The following CDKL4 variants were observed in gnomAD, a reference collection of about 807,000 sequenced individuals.
CDKL4 encodes cyclin-dependent kinase-like 4.
CDKL4 carries 44 observed loss-of-function variants against 42.0 expected under a neutral mutation model. The ratio of observed to expected loss-of-function variants is 1.05; its 90% confidence interval spans 0.82 to 1.35. CDKL4 has a LOEUF of 1.35. CDKL4 is among the 40% of genes most tolerant of loss of function. CDKL4 has a pLI of 0.00. For missense variants in CDKL4, 393 were observed against 369.9 expected (o/e 1.06, Z -0.51); for synonymous variants, 120 against 121.6 (o/e 0.99, Z 0.09).
At chr2:39,226,466 T>TTATATATATA (rs1573017180) in intron 2 of CDKL4, among the ~76,000 whole-genome samples, 1 of 97,418 alleles carries the variant, frequency 1.0e-5, no homozygotes, top group East Asian at 2.6e-4. Context: ...TTATATATAT[T>TTATATATATA]ATATATATAT....
chr2:39,178,959 G>T, intron 9 of CDKL4: 1 of 1,441,394 alleles, frequency 6.9e-7, no homozygotes, highest in South Asian at 1.5e-5. Context: ...GTTGCGTAAC[G>T]ATTTGATTCA....
chr2:39,172,074 G>A (rs1675014378), downstream of CDKL4, among the ~76,000 whole-genome samples: 1 of 152,130 alleles, frequency 6.6e-6, no homozygotes, highest in African/African-American at 2.4e-5. Context: ...ACTTTGGGAG[G>A]CCGAGGCAGG....
At chr2:39,234,474 G>A (rs901329330) in intron 1 of CDKL4, among the ~76,000 whole-genome samples, 4 of 151,978 alleles carry the variant, frequency 2.6e-5, no homozygotes, top group Non-Finnish European at 5.9e-5. Context: ...AATGGAGACA[G>A]GAAAAGAAGT....
At chr2:39,219,123 C>T (rs569152008) in intron 3 of CDKL4, among the ~76,000 whole-genome samples, 1 of 152,298 alleles carries the variant, frequency 6.6e-6, no homozygotes, top group South Asian at 2.1e-4. Flanking sequence ...GGACCTGGTA[C>T]CTAATAGGAG....
Position 39,226,048 on chromosome 2 carries a change from G to T in CDKL4, c.169-88C>A. ...CCCTTAAAGAAACTTAAAGTTGGAA[G>T]AAATTTAAGATTCATCCAATGTACC... On this transcript the variant is annotated intron_variant, in intron 2 of 9. Coordinates refer to ENST00000451199, the Ensembl canonical transcript of CDKL4. 2.3e-6 allele frequency: 3 copies of T among 1,312,366 alleles called. No homozygotes were observed. In the South Asian group the frequency reaches 5.3e-5, roughly 23 times the overall value. The allele number at this position is 1,312,366 out of a possible 1,614,324, so 81.3% of individuals were successfully genotyped here.
intron 1 of CDKL4, among the ~76,000 whole-genome samples, chr2:39,242,334 C>T (rs937647570): frequency 6.6e-6 from 1 of 152,194 alleles, no homozygotes; most frequent in Non-Finnish European, 1.5e-5. Flanking sequence ...GCATGAGCCA[C>T]CCATGCCTGG....
intron 5 of CDKL4, among the ~76,000 whole-genome samples, chr2:39,191,358 C>T (rs143472067): frequency 8.7e-4 from 133 of 152,240 alleles, no homozygotes; most frequent in East Asian, 3.3e-3. Context: ...CATGCCACTG[C>T]ACTCCAGCCT....
At position 39,184,573 on chromosome 2, in the gene CDKL4, T is replaced by A. The variant is rs1210295781; in HGVS notation, c.792+18A>T. 1 of 1,585,688 alleles carries A rather than the reference T, an allele frequency of 6.3e-7. No homozygotes were observed. Among genetic ancestry groups the A allele is most frequent in the Non-Finnish European group, 8.6e-7 (1 of 1,156,206 alleles). ...TACAATTTATAGCTAATAAGAGTTATAATTGATTCTTAAGTACCTTCATGA... is the reference window on the plus strand; with the variant it reads ...TACAATTTATAGCTAATAAGAGTTAAAATTGATTCTTAAGTACCTTCATGA... On this transcript the variant is annotated intron_variant, in intron 8 of 9. Coordinates refer to ENST00000451199, the Ensembl canonical transcript of CDKL4.
chr2:39,219,566 G>A (rs973451409), intron 3 of CDKL4, among the ~76,000 whole-genome samples: 1 of 151,974 alleles, frequency 6.6e-6, no homozygotes, highest in African/African-American at 2.4e-5. Context: ...GACTACAGGT[G>A]CCTGCCACCA....
downstream of CDKL4, among the ~76,000 whole-genome samples, chr2:39,171,804 G>A (rs1213083659): frequency 6.6e-6 from 1 of 152,204 alleles, no homozygotes; most frequent in African/African-American, 2.4e-5. Context: ...GAGCACAGAG[G>A]AGTGTTCAGG....
At chr2:39,240,278 C>T (rs1029993035) in intron 1 of CDKL4, among the ~76,000 whole-genome samples, 5 of 140,992 alleles carry the variant, frequency 3.5e-5, no homozygotes, top group Non-Finnish European at 7.5e-5. Flanking sequence ...TAAAATAAAT[C>T]AGCTGGGTGT....
downstream of CDKL4, among the ~76,000 whole-genome samples, chr2:39,172,818 G>A (rs1329897275): frequency 3.3e-5 from 5 of 152,150 alleles, no homozygotes; most frequent in Non-Finnish European, 5.9e-5. Flanking sequence ...CTGACCTCAG[G>A]TGATCCGCCT....
chr2:39,190,999 T>G (rs770279154), intron 5 of CDKL4, among the ~76,000 whole-genome samples: 13 of 152,192 alleles, frequency 8.5e-5, no homozygotes, highest in Non-Finnish European at 1.6e-4. Flanking sequence ...ACTTGAATCC[T>G]TACAGGGATG....
chr2:39,220,927 C>T, intron 3 of CDKL4, among the ~76,000 whole-genome samples: 1 of 123,094 alleles, frequency 8.1e-6, no homozygotes, highest in Non-Finnish European at 1.7e-5. Flanking sequence ...TGGGTCCCTT[C>T]ATTATCTCAC....
intron 4 of CDKL4, 56 bp from the exon 5 acceptor site, chr2:39,204,673 C>T (rs1036399381): frequency 8.7e-6 from 8 of 919,800 alleles, no homozygotes; most frequent in South Asian, 1.4e-5. Context: ...AAAGAATAAA[C>T]ATTAACTACT....
chr2:39,212,539 G>A (rs148627374), intron 4 of CDKL4, among the ~76,000 whole-genome samples: 266 of 150,908 alleles, frequency 1.8e-3, no homozygotes, highest in African/African-American at 6.2e-3. Flanking sequence ...GGCCGGAAAC[G>A]GTTTTTAAAA....
At chr2:39,231,211 C>A (rs1048542699) in intron 1 of CDKL4, among the ~76,000 whole-genome samples, 1 of 92,954 alleles carries the variant, frequency 1.1e-5, no homozygotes, top group Non-Finnish European at 2.6e-5. Context: ...GGCTCCATCT[C>A]AAAAACAAAA....
intron 8 of CDKL4, among the ~76,000 whole-genome samples, chr2:39,182,682 CT>C (rs1675505256): frequency 6.6e-6 from 1 of 152,194 alleles, no homozygotes; most frequent in African/African-American, 2.4e-5. Context: ...AGAAAACGCT[CT>C]GATAAAATTT....
At chr2:39,231,567 T>G (rs1420567803) in intron 1 of CDKL4, among the ~76,000 whole-genome samples, 2 of 152,342 alleles carry the variant, frequency 1.3e-5, no homozygotes, top group East Asian at 3.9e-4. Flanking sequence ...GAAAGAAAAT[T>G]CAAGCATACA....
Sources: allele counts gnomAD v4.1 joint callset (sites outside exome capture counted in the v4.1 genomes callset), GRCh38; gene constraint gnomAD v4.1.1; transcripts MANE v1.5; gene names NCBI Gene and HGNC (gene_info 2026-07-23, HGNC 2026-07-21).